PCDH9: variants seen among roughly 807,000 people sequenced by gnomAD.
PCDH9 encodes the protein protocadherin-9.
A neutral mutation model predicts 70.6 loss-of-function variants in PCDH9; 24 were observed. That is an observed-to-expected ratio of 0.34 (90% CI 0.25 to 0.48). PCDH9 has a LOEUF of 0.48. Among genes scored for constraint, PCDH9 ranks in the 20% least tolerant of loss-of-function variants. The pLI is 0.99. For missense variants in PCDH9, 1,281 were observed against 1,503.6 expected (o/e 0.85, Z 2.45); for synonymous variants, 562 against 558.5 (o/e 1.01, Z -0.09).
intron 4 of PCDH9, among the ~76,000 whole-genome samples, chr13:66,535,110 T>C (rs138208359): frequency 6.2e-4 from 94 of 152,132 alleles, no homozygotes; most frequent in East Asian, 5.2e-3. Context: ...CACTAAAATT[T>C]TGACATTCTG....
intron 3 of PCDH9, among the ~76,000 whole-genome samples, chr13:66,661,837 T>G (rs1202421537): frequency 6.6e-6 from 1 of 152,192 alleles, no homozygotes; most frequent in Non-Finnish European, 1.5e-5. Flanking sequence ...CAATTTGTAT[T>G]TATAATCAAA....
intron 3 of PCDH9, among the ~76,000 whole-genome samples, chr13:66,891,288 C>A (rs2082091456): frequency 6.6e-6 from 1 of 152,010 alleles, no homozygotes; most frequent in Non-Finnish European, 1.5e-5. Flanking sequence ...ATTATGTTCT[C>A]TAAATACATT....
intron 3 of PCDH9, among the ~76,000 whole-genome samples, chr13:66,777,657 A>G (rs1047972206): frequency 6.6e-6 from 1 of 152,188 alleles, no homozygotes; most frequent in African/African-American, 2.4e-5. Flanking sequence ...ATGTGGAGAA[A>G]TAGGAACACT....
chr13:66,510,536 G>C (rs1249804432), intron 4 of PCDH9, among the ~76,000 whole-genome samples: 1 of 152,004 alleles, frequency 6.6e-6, no homozygotes, highest in Non-Finnish European at 1.5e-5. Context: ...ACAGGCCCTG[G>C]TGTGTGATGT....
At chr13:66,539,698 A>G (rs1209690868) in intron 4 of PCDH9, among the ~76,000 whole-genome samples, 4 of 152,082 alleles carry the variant, frequency 2.6e-5, no homozygotes, top group Non-Finnish European at 5.9e-5. Context: ...TTTACACAGT[A>G]ATACATAACT....
intron 4 of PCDH9, among the ~76,000 whole-genome samples, chr13:66,592,162 C>G (rs2077046567): frequency 6.6e-6 from 1 of 151,564 alleles, no homozygotes; most frequent in South Asian, 2.1e-4. Flanking sequence ...GGACTAAATT[C>G]ATCATTAAGA....
At chr13:66,821,402 T>G (rs1454912104) in intron 3 of PCDH9, among the ~76,000 whole-genome samples, 1 of 152,132 alleles carries the variant, frequency 6.6e-6, no homozygotes, top group East Asian at 1.9e-4. Flanking sequence ...AGGGTTTATA[T>G]AAACATAAGC....
chr13:66,502,114 A>C (rs1959179862), intron 4 of PCDH9, among the ~76,000 whole-genome samples: 2 of 152,180 alleles, frequency 1.3e-5, no homozygotes, highest in South Asian at 4.1e-4. Context: ...ACAAGTGGCT[A>C]TGGAACACTT....
intron 2 of PCDH9, among the ~76,000 whole-genome samples, chr13:67,113,193 G>T (rs1336653277): frequency 6.6e-6 from 1 of 152,036 alleles, no homozygotes; most frequent in Non-Finnish European, 1.5e-5. Context: ...CAAATTCACA[G>T]TATAATACAG....
intron 3 of PCDH9, among the ~76,000 whole-genome samples, chr13:66,794,333 C>A (rs549541964): frequency 6.6e-6 from 1 of 151,964 alleles, no homozygotes; most frequent in Non-Finnish European, 1.5e-5. Context: ...TGGGAAAGAT[C>A]CTAGAGTAAT....
intron 4 of PCDH9, among the ~76,000 whole-genome samples, chr13:66,534,295 C>G (rs1486046446): frequency 1.3e-5 from 2 of 152,036 alleles, no homozygotes; most frequent in East Asian, 3.9e-4. Flanking sequence ...GTTCAGGCTG[C>G]TATAACAAAG....
intron 3 of PCDH9, among the ~76,000 whole-genome samples, chr13:66,641,020 G>T (rs2077701901): frequency 6.6e-6 from 1 of 152,014 alleles, no homozygotes; most frequent in Non-Finnish European, 1.5e-5. Context: ...GATTACAGGT[G>T]CTTCCCATTG....
intron 2 of PCDH9, among the ~76,000 whole-genome samples, chr13:67,029,465 T>C (rs925095956): frequency 2.0e-5 from 3 of 152,170 alleles, no homozygotes; most frequent in Non-Finnish European, 4.4e-5. Context: ...ATCTCCTATG[T>C]TTTTATTTTT....
At chr13:67,224,842 A>G (rs2089815933) in intron 2 of PCDH9, 1 of 942,146 alleles carries the variant, frequency 1.1e-6, no homozygotes, top group Non-Finnish European at 1.3e-6. Flanking sequence ...CAAAGAGAAG[A>G]CTTCCTATAT....
Position 67,120,319 on chromosome 13 carries a change from T to G in PCDH9, c.3036+105086A>C, listed in dbSNP as rs150966677. Among the ~76,000 whole-genome samples, 354 of 152,070 alleles carry G rather than the reference T, an allele frequency of 2.3e-3. 1 individual carries two copies. Among genetic ancestry groups the G allele is most frequent in the African/African-American group, 8.4e-3 (348 of 41,524 alleles). Reference sequence around the variant, plus strand: ...GGTCTACATATAATTTATAACCAAATTTTCTATGTGTGCCGGCCACCTCTG... The same window carrying G: ...GGTCTACATATAATTTATAACCAAAGTTTCTATGTGTGCCGGCCACCTCTG... On this transcript the variant is annotated intron_variant, in intron 2 of 4. Transcript: ENST00000377865.
chr13:66,539,966 C>A (rs1462640992), intron 4 of PCDH9, among the ~76,000 whole-genome samples: 2 of 145,928 alleles, frequency 1.4e-5, no homozygotes, highest in Non-Finnish European at 3.0e-5. Flanking sequence ...ACTTTCTGGG[C>A]TCAAGCCATG....
At chr13:66,930,714 T>C (rs559760837) in intron 2 of PCDH9, among the ~76,000 whole-genome samples, 1 of 152,052 alleles carries the variant, frequency 6.6e-6, no homozygotes, top group Non-Finnish European at 1.5e-5. Context: ...CACATATTAA[T>C]GGTAGCTTAC....
intron 2 of PCDH9, among the ~76,000 whole-genome samples, chr13:67,022,638 T>C (rs2084700745): frequency 6.6e-6 from 1 of 152,218 alleles, no homozygotes; most frequent in South Asian, 2.1e-4. Flanking sequence ...TTTCTTTACT[T>C]TCTTTAAGGA....
At chr13:66,376,721 G>C (rs1956753753) in intron 4 of PCDH9, among the ~76,000 whole-genome samples, 1 of 152,004 alleles carries the variant, frequency 6.6e-6, no homozygotes, top group African/African-American at 2.4e-5. Context: ...TTAAATGCTA[G>C]ATCTATGTAG....
Sources: allele counts gnomAD v4.1 joint callset (sites outside exome capture counted in the v4.1 genomes callset), GRCh38; gene constraint gnomAD v4.1.1; transcripts MANE v1.5; gene names NCBI Gene and HGNC (gene_info 2026-07-23, HGNC 2026-07-21).